DUOX2: variants seen among roughly 807,000 people sequenced by gnomAD.
DUOX2 encodes the protein NADH/NADPH thyroid oxidase p138-tox.
Under a neutral mutation model 183.3 loss-of-function variants are expected in DUOX2, and 185 were observed. That is an observed-to-expected ratio of 1.01 (90% CI 0.90 to 1.14). The LOEUF is 1.14. DUOX2 is among the 50% of genes most tolerant of loss of function. DUOX2 has a pLI of 0.00. For synonymous variants in DUOX2, 788 were observed against 812.4 expected, an observed-to-expected ratio of 0.97 and a Z score of 0.51; for missense variants, 1,999 against 2,022.9, an observed-to-expected ratio of 0.99 and a Z score of 0.23.
In DUOX2 at chr15:45,108,224, TG is replaced by T. The variant is rs1894278942; in HGVS notation, c.1399-3del. 3 of 1,613,940 alleles carry T rather than the reference TG, an allele frequency of 1.9e-6. No individual in the cohort carries two copies. The African/African-American group carries it at 4.0e-5, about 22-fold the overall frequency. ...CAGGGCAGCTGTGGCCTCCAGCACCTGGGGCACCACAGGAGATAAGGGGTGA... is the reference window on the plus strand; with the variant it reads ...CAGGGCAGCTGTGGCCTCCAGCACCTGGGCACCACAGGAGATAAGGGGTGA... On this transcript the variant is annotated splice_region_variant and splice_polypyrimidine_tract_variant and intron_variant, in intron 12 of 33. Transcript: ENST00000389039.
rs760457544 is a variant in DUOX2, at chr15:45,097,401, C to G, written c.3694-10G>C. 14 of 1,614,238 alleles carry G rather than the reference C, an allele frequency of 8.7e-6. No individual in the cohort carries two copies. In the South Asian group the frequency reaches 1.5e-4, roughly 18 times the overall value. ...TGCCATGGATGATGAGCTGGAGACA[C>G]GGCCAGTTAGTACAACTCAGGCCCA... On this transcript the variant is annotated splice_polypyrimidine_tract_variant and intron_variant, in intron 28 of 33. Coordinates refer to ENST00000389039, the MANE Select transcript of DUOX2 (RefSeq NM_001363711.2).
Position 45,100,048 on chromosome 15 carries a change from A to T in DUOX2, c.3184+2T>A. On this transcript the variant is annotated splice_donor_variant, in intron 24 of 33. Coordinates refer to ENST00000389039, the MANE Select transcript of DUOX2 (RefSeq NM_001363711.2). LOFTEE classifies it high-confidence loss of function. ...CCACTGCCCACAGCCTGGAACTCTT[A>T]CAGTAAGCACGATCTGCAAACACGC... is the stretch of plus-strand genomic sequence containing the variant. 1 of 1,614,200 alleles carries T rather than the reference A, an allele frequency of 6.2e-7. No individual in the cohort carries two copies. The highest frequency in any genetic ancestry group is 8.5e-7 in the Non-Finnish European group (1 of 1,180,034).
chr15:45,105,800 C>G lies in DUOX2; in HGVS notation c.2177G>C (p.Arg726Pro), dbSNP rs370575305. ...LVLLFSSEEE[R>P]GAFVQQLWDF... ...CCATAGCTGCTGCACAAAGGCGCCC[C>G]GTTCCTCTTCAGAACTAAACAGCAG... The change falls in exon 18 of 34, where the codon CGG (arginine) becomes CCG (proline). Residue 726 changes from arginine to proline, a missense_variant. This residue lies in a region of DUOX2 where 1,628 missense variants were observed against 1,608.6 expected (regional missense o/e 1.01). Transcript: ENST00000389039. 6 of 1,614,058 alleles carry G rather than the reference C, an allele frequency of 3.7e-6. No homozygotes were observed. Among genetic ancestry groups the G allele is most frequent in the African/African-American group, 1.3e-5 (1 of 74,944 alleles).
chr15:45,100,647 T>G, intron 23 of DUOX2, 108 bp downstream of exon 23: 3 of 951,230 alleles, frequency 3.2e-6, no homozygotes, highest in Non-Finnish European at 5.2e-6. Context: ...ACAAATGGAA[T>G]GAGACTCAGG....
chr15:45,110,004 G>A (rs1427972365), intron 9 of DUOX2, 24 bp from the exon 10 acceptor site: 4 of 1,608,666 alleles, frequency 2.5e-6, no homozygotes, highest in Non-Finnish European at 3.4e-6. Context: ...CAAAGGATGT[G>A]GTGAGGGAAT....
chr15:45,094,093 C>T lies in DUOX2; in HGVS notation c.*57G>A. On this transcript the variant is annotated 3_prime_UTR_variant, in exon 34 of 34. Coordinates refer to ENST00000389039, the MANE Select transcript of DUOX2 (RefSeq NM_001363711.2). Reference sequence around the variant, plus strand: ...AGAGATTGCCAGCAGGGCTGGGCAACTTAGGTGCACAGAAGAGAAGGCAGG... The same window carrying T: ...AGAGATTGCCAGCAGGGCTGGGCAATTTAGGTGCACAGAAGAGAAGGCAGG... The T allele has an allele frequency of 6.2e-7, 1 of 1,613,818 alleles. No individual in the cohort carries two copies. The highest frequency in any genetic ancestry group is 8.5e-7 in the Non-Finnish European group (1 of 1,179,904).
chr15:45,112,930 C>A (rs1272823473), intron 3 of DUOX2, 57 bp downstream of exon 3: 1 of 1,594,888 alleles, frequency 6.3e-7, no homozygotes, highest in African/African-American at 1.3e-5. Context: ...CAGGGCCTTT[C>A]GCGCCCCGGC....
chr15:45,098,291 C>G (rs901266586), intron 26 of DUOX2, among the ~76,000 whole-genome samples: 2 of 152,136 alleles, frequency 1.3e-5, no homozygotes, highest in African/African-American at 4.8e-5. Context: ...TGTGGTTGAC[C>G]CCTGCTTCCT....
chr15:45,095,348 C>A, intron 31 of DUOX2, 89 bp downstream of exon 31: 1 of 1,577,188 alleles, frequency 6.3e-7, no homozygotes, highest in Non-Finnish European at 8.7e-7. Context: ...TTCCTGGAGC[C>A]AGGAGCTTTC....
Position 45,095,510 on chromosome 15 carries a change from A to G in DUOX2, c.4166T>C (p.Val1389Ala). The change falls in exon 31 of 34, where the codon GTC becomes GCC. Residue 1389 changes from valine (V) to alanine (A), a missense_variant. Physicochemically the swap from Val to Ala is moderately conservative, Grantham distance 64. Transcript: ENST00000389039. The stretch of plus-strand genomic sequence containing the variant: ...TTTGAGGATGGAGGCAAAGGGGGTG[A>G]CCCCAATGCCCCCTCCCACCAACAC... ...VSVLVGGGIGVTPFASILKDL... is the reference protein window; with the variant it reads ...VSVLVGGGIGATPFASILKDL... 6.2e-7 allele frequency: 1 copy of G among 1,614,056 alleles called. No homozygotes were observed. The highest frequency in any genetic ancestry group is 8.5e-7 in the Non-Finnish European group (1 of 1,179,988).
chr15:45,101,313 A>C, intron 21 of DUOX2, 39 bp from the exon 22 acceptor site: 1 of 1,560,066 alleles, frequency 6.4e-7, no homozygotes, highest in Non-Finnish European at 8.8e-7. Flanking sequence ...GCTTCCCCAC[A>C]AGGGCAGTGG....
Position 45,107,469 on chromosome 15 carries a change from T to C in DUOX2, c.1575-6A>G, listed in dbSNP as rs1339897565. The C allele has an allele frequency of 9.3e-6, 15 of 1,613,496 alleles. No homozygotes were observed. The highest frequency in any genetic ancestry group is 1.3e-5 in the Non-Finnish European group (15 of 1,179,768). On this transcript the variant is annotated splice_region_variant and splice_polypyrimidine_tract_variant and intron_variant, in intron 13 of 33. Transcript: ENST00000389039. Reference sequence around the variant, plus strand: ...TCTCCTTCTTGGAGAACAGCCTAAGTTGGAGGAAGTAGAAGTCACTGGGAT... The same window carrying C: ...TCTCCTTCTTGGAGAACAGCCTAAGCTGGAGGAAGTAGAAGTCACTGGGAT...
In DUOX2 at chr15:45,099,787, A is replaced by C; in HGVS notation, c.3290T>G (p.Ile1097Ser). The C allele has an allele frequency of 1.2e-6, 2 of 1,614,216 alleles. No individual in the cohort carries two copies. Among genetic ancestry groups the C allele is most frequent in the South Asian group, 2.2e-5 (2 of 91,090 alleles). Residue 1097 changes from isoleucine to serine, a missense_variant, in exon 25 of 34, where the codon ATC (isoleucine) becomes AGC (serine). Transcript: ENST00000389039. Reference protein sequence around the residue: ...AASVSFMFSYILLTMCRNLIT... With the variant: ...AASVSFMFSYSLLTMCRNLIT... The stretch of plus-strand genomic sequence containing the variant: ...GAGGTTGCGGCACATGGTGAGCAAG[A>C]TATAAGAGAACATGAAGGAGACGCT...
chr15:45,113,947 G>A (rs552661489), intron 1 of DUOX2, 26 bp downstream of exon 1: 2 of 193,848 alleles, frequency 1.0e-5, no homozygotes, highest in South Asian at 2.1e-4. Flanking sequence ...CGAGGGCTAG[G>A]GTCAGATCCC....
At chr15:45,111,720 C>G (rs1305338447) in intron 5 of DUOX2, 48 bp downstream of exon 5, 2 of 1,491,898 alleles carry the variant, frequency 1.3e-6, no homozygotes, top group Non-Finnish European at 1.8e-6. Flanking sequence ...AAGCCCAGGC[C>G]CCACCTGGCT....
rs561532284 is a variant in DUOX2 at position 45,093,675 on chromosome 15, C to T, written c.*475G>A. ...TCAGTCCAAGCAAATACCAAAGCAA[C>T]GCATCGATTTTGTGGAAGTCAATTA... On this transcript the variant is annotated 3_prime_UTR_variant, in exon 34 of 34. Coordinates refer to ENST00000389039, the MANE Select transcript of DUOX2 (RefSeq NM_001363711.2). 5 of 179,978 alleles carry T rather than the reference C, an allele frequency of 2.8e-5. No homozygotes were observed. The highest frequency in any genetic ancestry group is 2.8e-4 in the East Asian group (2 of 7,136). The allele number at this position is 179,978 out of a possible 1,614,324, so 11.1% of individuals were successfully genotyped here.
chr15:45,110,515 G>T lies in DUOX2; in HGVS notation c.953C>A (p.Pro318His), dbSNP rs555083063. 377 of 1,614,160 alleles carry T rather than the reference G, an allele frequency of 2.3e-4. 2 individuals are homozygous for T. The South Asian group carries it at 3.1e-3, about 13-fold the overall frequency. Residue 318 changes from proline to histidine, a missense_variant, in exon 9 of 34, where the codon CCT (proline) becomes CAT (histidine). Pro to His is a moderately conservative substitution (Grantham distance 77). This residue lies in a region of DUOX2 where 1,628 missense variants were observed against 1,608.6 expected (regional missense o/e 1.01). Transcript: ENST00000389039. ...KTLPEYTGYRPFLDPSISPEF... is the reference protein window; with the variant it reads ...KTLPEYTGYRHFLDPSISPEF... Reference sequence around the variant, plus strand: ...CGGGGAGATGCTGGGGTCTAGGAAAGGACGGTATCCTGCAGGAAGGAGACG... The same window carrying T: ...CGGGGAGATGCTGGGGTCTAGGAAATGACGGTATCCTGCAGGAAGGAGACG...
chr15:45,103,810 G>T (rs1894143087), intron 20 of DUOX2, 150 bp downstream of exon 20: 3 of 799,764 alleles, frequency 3.8e-6, no homozygotes, highest in South Asian at 2.9e-5. Context: ...ATTTGAAGGT[G>T]GATGCTCTGA....
chr15:45,112,075 A>G (rs1426624469), intron 4 of DUOX2, 120 bp from the exon 5 acceptor site: 1 of 1,252,774 alleles, frequency 8.0e-7, no homozygotes, highest in African/African-American at 1.5e-5. Context: ...CAGCTCCGCC[A>G]CCAGCTCTGC....
Sources: allele counts gnomAD v4.1 joint callset (sites outside exome capture counted in the v4.1 genomes callset), GRCh38; gene constraint gnomAD v4.1.1; regional missense constraint gnomAD v4.1.1; transcripts MANE v1.5; gene names NCBI Gene and HGNC (gene_info 2026-07-23, HGNC 2026-07-21).